GABRA2: variants seen among roughly 807,000 people sequenced by gnomAD.
GABRA2 encodes gamma-aminobutyric acid receptor subunit alpha-2.
GABRA2 carries 16 observed loss-of-function variants against 48.7 expected under a neutral mutation model. That is an observed-to-expected ratio of 0.33 (90% CI 0.22 to 0.50). GABRA2 has a LOEUF of 0.50. GABRA2 is among the 20% of genes least tolerant of loss of function. GABRA2 has a pLI of 0.98. For missense variants in GABRA2, 275 were observed against 535.6 expected (o/e 0.51, Z 4.80); for synonymous variants, 185 against 184.5 (o/e 1.00, Z -0.02).
At chr4:46,365,137 C>T (rs1020424148) in intron 3 of GABRA2, 1 of 152,050 alleles carries the variant, frequency 6.6e-6, no homozygotes, top group African/African-American at 2.4e-5. Context: ...AAAGAAAAGC[C>T]AGATGAAGTT....
intron 8 of GABRA2, among the ~76,000 whole-genome samples, chr4:46,297,100 C>T (rs1337774543): frequency 6.6e-6 from 1 of 152,032 alleles, no homozygotes; most frequent in Non-Finnish European, 1.5e-5. Flanking sequence ...ATGGTTAATA[C>T]TGAGTGTCAA....
intron 8 of GABRA2, among the ~76,000 whole-genome samples, chr4:46,290,685 T>C (rs1723459405): frequency 6.6e-6 from 1 of 152,134 alleles, no homozygotes; most frequent in Non-Finnish European, 1.5e-5. Flanking sequence ...TTTTGGCATA[T>C]ATATAATACA....
At chr4:46,324,602 G>C (rs1202891803) in intron 4 of GABRA2, among the ~76,000 whole-genome samples, 1 of 151,592 alleles carries the variant, frequency 6.6e-6, no homozygotes, top group Non-Finnish European at 1.5e-5. Context: ...GGTTCAGAGA[G>C]TACCTGTGCA....
chr4:46,258,555 GA>G (rs1716313196), intron 9 of GABRA2, among the ~76,000 whole-genome samples: 1 of 151,782 alleles, frequency 6.6e-6, no homozygotes, highest in Admixed American at 6.6e-5. Context: ...CAGCATTAAA[GA>G]AAGCAGAATT....
intron 3 of GABRA2, among the ~76,000 whole-genome samples, chr4:46,372,544 G>T (rs1476507110): frequency 2.6e-5 from 4 of 152,084 alleles, no homozygotes; most frequent in East Asian, 3.9e-4. Flanking sequence ...CTCAGTGCTA[G>T]GAGCCACCTA....
At chr4:46,282,759 C>A (rs146416707) in intron 8 of GABRA2, among the ~76,000 whole-genome samples, 23 of 152,128 alleles carry the variant, frequency 1.5e-4, no homozygotes, top group Non-Finnish European at 2.8e-4. Flanking sequence ...AATTAGTATC[C>A]GATAATAAAC....
At chr4:46,303,331 A>T in intron 8 of GABRA2, 129 bp downstream of exon 8, 1 of 852,232 alleles carries the variant, frequency 1.2e-6, no homozygotes, top group Non-Finnish European at 1.9e-6. Flanking sequence ...TTCTTCACCT[A>T]TAAGGCAAAA....
intron 4 of GABRA2, among the ~76,000 whole-genome samples, chr4:46,317,813 T>G (rs1484362079): frequency 3.3e-5 from 5 of 151,772 alleles, no homozygotes; most frequent in Non-Finnish European, 7.4e-5. Flanking sequence ...TAATTATCAG[T>G]GAGGCTATTT....
intron 9 of GABRA2, among the ~76,000 whole-genome samples, chr4:46,260,415 T>C (rs190360346): frequency 3.3e-5 from 5 of 152,046 alleles, no homozygotes; most frequent in African/African-American, 1.2e-4. Context: ...TTATCAATTA[T>C]TTGTTTTTCA....
At chr4:46,360,422 T>C (rs975486234) in intron 3 of GABRA2, among the ~76,000 whole-genome samples, 2 of 152,204 alleles carry the variant, frequency 1.3e-5, no homozygotes, top group Non-Finnish European at 2.9e-5. Flanking sequence ...GGAGTTTCCC[T>C]GCACAAGCTC....
intron 9 of GABRA2, among the ~76,000 whole-genome samples, chr4:46,259,759 G>T (rs1330853595): frequency 6.6e-6 from 1 of 151,720 alleles, no homozygotes; most frequent in African/African-American, 2.4e-5. Context: ...AGTCAGAAAG[G>T]ACACTAAAAA....
intron 5 of GABRA2, 63 bp downstream of exon 5, chr4:46,312,433 G>A (rs1727804196): frequency 2.8e-6 from 3 of 1,081,104 alleles, no homozygotes; most frequent in South Asian, 1.4e-5. Context: ...TAGATTGGCT[G>A]GTTGTTTAAT....
chr4:46,359,623 A>T (rs1187363494), intron 3 of GABRA2, among the ~76,000 whole-genome samples: 1 of 152,188 alleles, frequency 6.6e-6, no homozygotes, highest in African/African-American at 2.4e-5. Context: ...TAATTATTTC[A>T]TAGTCATTTT....
chr4:46,293,642 C>T (rs181553896), intron 8 of GABRA2, among the ~76,000 whole-genome samples: 58 of 152,314 alleles, frequency 3.8e-4, no homozygotes, highest in African/African-American at 1.3e-3. Context: ...TTGCAGCTGG[C>T]AGAACCCGCA....
At chr4:46,325,428 ATTGT>A (rs760651757) in intron 4 of GABRA2, among the ~76,000 whole-genome samples, 31 of 151,416 alleles carry the variant, frequency 2.0e-4, no homozygotes, top group Non-Finnish European at 4.4e-4. Flanking sequence ...TTTTAATGAG[ATTGT>A]TTGTTTTTCA....
At position 46,344,005 on chromosome 4, in the gene GABRA2, C is replaced by G. The variant is rs115291724; in HGVS notation, c.188-11323G>C. On this transcript the variant is annotated intron_variant, in intron 3 of 9. Coordinates refer to ENST00000381620, the MANE Select transcript of GABRA2 (RefSeq NM_000807.4). ...TGAGGATTAAGGCTTGACAGGAGTA[C>G]AGAACAATGCCAGATAATAATGTTC... 2.2e-3 allele frequency among the ~76,000 whole-genome samples: 329 copies of G among 151,890 alleles called. 2 individuals are homozygous for G. Among genetic ancestry groups the G allele is most frequent in the African/African-American group, 7.6e-3 (315 of 41,466 alleles).
chr4:46,260,690 G>A (rs1231705543), intron 9 of GABRA2: 1 of 151,818 alleles, frequency 6.6e-6, no homozygotes. Flanking sequence ...ACACCATATG[G>A]GCAATGAAAA....
chr4:46,384,668 C>T (rs1717206452), intron 3 of GABRA2, among the ~76,000 whole-genome samples: 1 of 152,208 alleles, frequency 6.6e-6, no homozygotes, highest in South Asian at 2.1e-4. Context: ...GTGCAATATG[C>T]CTCTTAAACC....
At chr4:46,260,428 T>G (rs1383613526) in intron 9 of GABRA2, among the ~76,000 whole-genome samples, 1 of 151,886 alleles carries the variant, frequency 6.6e-6, no homozygotes, top group African/African-American at 2.4e-5. Flanking sequence ...GTTTTTCACA[T>G]TTAGAGGTAC....
Sources: allele counts gnomAD v4.1 joint callset (sites outside exome capture counted in the v4.1 genomes callset), GRCh38; gene constraint gnomAD v4.1.1; transcripts MANE v1.5; gene names NCBI Gene and HGNC (gene_info 2026-07-23, HGNC 2026-07-21).